The following TMF1 variants were observed in gnomAD, a reference collection of about 807,000 sequenced individuals.
The protein encoded by TMF1 is TATA element modulatory factor 1.
Under a neutral mutation model 126.5 loss-of-function variants are expected in TMF1, and 71 were observed. The ratio of observed to expected loss-of-function variants is 0.56; its 90% confidence interval spans 0.46 to 0.68. The LOEUF (loss-of-function observed/expected upper bound fraction) is 0.68. TMF1 is among the 30% of genes least tolerant of loss of function. TMF1 has a pLI of 0.00. For synonymous variants in TMF1, 461 were observed against 430.5 expected, an observed-to-expected ratio of 1.07 and a Z score of -0.88; for missense variants, 1,259 against 1,253.2, an observed-to-expected ratio of 1.00 and a Z score of -0.07.
intron 16 of TMF1, among the ~76,000 whole-genome samples, chr3:69,023,792 A>G (rs1388473116): frequency 1.3e-5 from 2 of 152,144 alleles, no homozygotes; most frequent in East Asian, 3.8e-4. Context: ...AAGATCATAC[A>G]AAGTTCAATG....
Position 69,022,359 on chromosome 3 carries a change from C to T in TMF1, c.*818G>A, listed in dbSNP as rs1245129453. 1.3e-5 allele frequency: 2 copies of T among 152,210 alleles called. No homozygotes were observed. Among genetic ancestry groups the T allele is most frequent in the African/African-American group, 4.8e-5 (2 of 41,436 alleles). 9.4% of individuals were successfully genotyped at this position (152,210 alleles called of 1,614,324 possible). A position where few individuals can be genotyped will look rare whatever the true frequency, so the allele number is the denominator to read the frequency against. On this transcript the variant is annotated 3_prime_UTR_variant, in exon 17 of 17. Transcript: ENST00000398559. ...GTTAAGAACTTTATTATTTTCGATT[C>T]ATTTTATAGGGTAGTAAAATAATAC...
Position 69,023,189 on chromosome 3 carries a change from T to C in TMF1, c.3270A>G (p.Gln1090=), listed in dbSNP as rs2091749211. Residue 1090 remains glutamine, a synonymous_variant, in exon 17 of 17, where the codon CAA becomes CAG. Transcript: ENST00000398559. ...CAATTTTCACAAGTTAACTGAGACT[T>C]TGTCTTAAAAGTTCATCTATTTGAG... is the stretch of plus-strand genomic sequence containing the variant. ...YKTQIDELLR[Q]SLS 2 of 1,610,288 alleles carry C rather than the reference T, an allele frequency of 1.2e-6. No homozygotes were observed. Among genetic ancestry groups the C allele is most frequent in the East Asian group, 2.2e-5 (1 of 44,660 alleles).
rs1232587774 is a variant in TMF1, at chr3:69,026,048, C to A, written c.2807G>T (p.Ser936Ile). The change falls in exon 14 of 17, where the codon AGT (serine) becomes ATT (isoleucine). Residue 936 changes from serine to isoleucine, a missense_variant. By Grantham distance (142) the Ser-to-Ile change is moderately radical. Transcript: ENST00000398559. The part of the protein sequence containing the change: ...VSSTPTMSRS[S>I]SISGVDMAGL... ...TGCCATATCAACACCACTTATTGAA[C>A]TTGAGCGTGACATGGTGGGAGTGCT... The A allele has an allele frequency of 6.2e-7, 1 of 1,614,100 alleles. No homozygotes were observed. The highest frequency in any genetic ancestry group is 1.7e-5 in the Admixed American group (1 of 60,018).
At chr3:69,034,866 C>T in intron 9 of TMF1, 157 bp downstream of exon 9, 1 of 651,362 alleles carries the variant, frequency 1.5e-6, no homozygotes, top group Non-Finnish European at 2.8e-6. Context: ...TTAAGGTGCC[C>T]ACTCTGATTT....
rs1559629916 is a variant in TMF1, at chr3:69,029,768, A to C, written c.2594+47T>G. On this transcript the variant is annotated intron_variant, in intron 11 of 16. Transcript: ENST00000398559. ...ACAACATACTTTTAAAAAGTGCTTT[A>C]GGATGTCACGGAACTACCAAAAATA... 5 of 1,528,428 alleles carry C rather than the reference A, an allele frequency of 3.3e-6. 1 individual carries two copies. In the South Asian group the frequency reaches 6.2e-5, roughly 19 times the overall value. 94.7% of individuals were successfully genotyped at this position (1,528,428 alleles called of 1,614,324 possible). A position where few individuals can be genotyped will look rare whatever the true frequency, so the allele number is the denominator to read the frequency against.
rs770944463 is a variant in TMF1 at position 69,048,151 on chromosome 3, G to A, written c.554C>T (p.Ser185Leu). ...GKHEETVNKE[S>L]DMKVPTVSLK... Reference sequence around the variant, plus strand: ...ACTTACAGTTGGCACCTTCATATCCGATTCTTTATTAACAGTTTCTTCGTG... The same window carrying A: ...ACTTACAGTTGGCACCTTCATATCCAATTCTTTATTAACAGTTTCTTCGTG... Residue 185 changes from serine to leucine, a missense_variant, in exon 2 of 17, where the codon TCG (serine) becomes TTG (leucine). Coordinates refer to ENST00000398559, the MANE Select transcript of TMF1 (RefSeq NM_007114.3). 13 of 1,614,102 alleles carry A rather than the reference G, an allele frequency of 8.1e-6. No individual in the cohort carries two copies. The highest frequency in any genetic ancestry group is 1.6e-4 in the Middle Eastern group (1 of 6,062).
At chr3:69,047,126 T>C (rs1476594783) in intron 2 of TMF1, among the ~76,000 whole-genome samples, 1 of 152,234 alleles carries the variant, frequency 6.6e-6, no homozygotes, top group Non-Finnish European at 1.5e-5. Flanking sequence ...AAAACTTTCA[T>C]GCTTAACTGT....
chr3:69,023,385 G>T, intron 16 of TMF1, 65 bp from the exon 17 acceptor site: 1 of 1,305,488 alleles, frequency 7.7e-7, no homozygotes, highest in Non-Finnish European at 1.1e-6. Flanking sequence ...TATTTATATT[G>T]CCATAGGAGT....
At chr3:69,047,315 C>T in intron 2 of TMF1, 43 bp downstream of exon 2, 2 of 1,506,806 alleles carry the variant, frequency 1.3e-6, no homozygotes, top group Non-Finnish European at 1.8e-6. Context: ...GATTTAATCT[C>T]CAAAAAGCAC....
At chr3:69,024,757 G>A (rs1380593466) in intron 15 of TMF1, 1 of 149,796 alleles carries the variant, frequency 6.7e-6, no homozygotes, top group Non-Finnish European at 1.5e-5. Flanking sequence ...ACTGAAAAGA[G>A]GTATCCTGAT....
chr3:69,024,375 G>A (rs921401324), intron 15 of TMF1, 195 bp from the exon 16 acceptor site: 28 of 420,264 alleles, frequency 6.7e-5, no homozygotes, highest in African/African-American at 5.2e-4. Flanking sequence ...TTCCTGAGAG[G>A]TATACCGTTT....
rs1575804882 is a variant in TMF1, at chr3:69,021,233, T to C, written c.*1944A>G. The C allele has an allele frequency of 6.6e-6, 1 of 152,658 alleles. No homozygotes were observed. The highest frequency in any genetic ancestry group is 1.9e-4 in the East Asian group (1 of 5,206). The allele number at this position is 152,658 out of a possible 1,614,324, so 9.5% of individuals were successfully genotyped here. ...TATAAATAGAACTTTATCATAGGTA[T>C]ATATGTATAGGAAAAAACAGTGTAT... On this transcript the variant is annotated 3_prime_UTR_variant, in exon 17 of 17. Coordinates refer to ENST00000398559, the MANE Select transcript of TMF1 (RefSeq NM_007114.3).
intron 3 of TMF1, 53 bp from the exon 4 acceptor site, chr3:69,043,929 G>A: frequency 7.1e-7 from 1 of 1,404,838 alleles, no homozygotes. Flanking sequence ...TATCCCAAAG[G>A]TATACATGAG....
At chr3:69,024,262 T>G in intron 15 of TMF1, 82 bp from the exon 16 acceptor site, 1 of 1,252,244 alleles carries the variant, frequency 8.0e-7, no homozygotes, top group Non-Finnish European at 1.1e-6. Flanking sequence ...ATTTAATGTG[T>G]GTGTGGTTTT....
intron 15 of TMF1, 30 bp from the exon 16 acceptor site, chr3:69,024,210 A>G (rs1309827128): frequency 1.3e-6 from 2 of 1,549,766 alleles, no homozygotes; most frequent in East Asian, 4.7e-5. Context: ...AATAGTTTAA[A>G]TCAAAACATA....
chr3:69,042,756 C>CT, intron 5 of TMF1, 51 bp downstream of exon 5: 2 of 1,464,770 alleles, frequency 1.4e-6, no homozygotes, highest in Non-Finnish European at 1.9e-6. Context: ...GTGGCAAGTA[C>CT]TTTTCCTGTT....
At chr3:69,046,053 G>C (rs2091894154) in intron 2 of TMF1, among the ~76,000 whole-genome samples, 1 of 152,012 alleles carries the variant, frequency 6.6e-6, no homozygotes, top group Admixed American at 6.6e-5. Context: ...GAGACCCTGT[G>C]AGCCGCGATC....
Position 69,039,333 on chromosome 3 carries a change from C to T in TMF1, c.1827+218G>A, listed in dbSNP as rs539296215. 5.9e-5 allele frequency among the ~76,000 whole-genome samples: 9 copies of T among 152,300 alleles called. No individual in the cohort carries two copies. The South Asian group carries it at 1.9e-3, about 32-fold the overall frequency. ...ACCGGGCTGATCTCAAACTCCTGGCCTCAAGTGATCTGCCTGTCGCAGCCT... is the reference window on the plus strand; with the variant it reads ...ACCGGGCTGATCTCAAACTCCTGGCTTCAAGTGATCTGCCTGTCGCAGCCT... On this transcript the variant is annotated intron_variant, in intron 6 of 16. Transcript: ENST00000398559.
At chr3:69,030,646 G>C (rs2091795935) in intron 10 of TMF1, 3 of 152,088 alleles carry the variant, frequency 2.0e-5, no homozygotes, top group Admixed American at 1.3e-4. Context: ...TTTCACCATA[G>C]AGAATGTACA....
Sources: allele counts gnomAD v4.1 joint callset (sites outside exome capture counted in the v4.1 genomes callset), GRCh38; gene constraint gnomAD v4.1.1; transcripts MANE v1.5; gene names NCBI Gene and HGNC (gene_info 2026-07-23, HGNC 2026-07-21).